The following SLC22A23 variants were observed in gnomAD, a reference collection of about 807,000 sequenced individuals.
The protein encoded by SLC22A23 is ion transporter protein.
In SLC22A23, 26 loss-of-function variants were observed where a neutral mutation model predicts 61.0. That is an observed-to-expected ratio of 0.43 (90% CI 0.31 to 0.59). The LOEUF (loss-of-function observed/expected upper bound fraction) is 0.59. Among genes scored for constraint, SLC22A23 ranks in the 20% least tolerant of loss-of-function variants. The pLI, the probability that SLC22A23 is intolerant of heterozygous loss-of-function variation, is 0.11. For synonymous variants in SLC22A23, 430 were observed against 413.9 expected (o/e 1.04, Z -0.47); for missense variants, 796 against 934.7 (o/e 0.85, Z 1.94).
In SLC22A23 at chr6:3,390,660, A is replaced by G. The variant is rs1381180768; in HGVS notation, c.913+19528T>C. Among the ~76,000 whole-genome samples, 7 of 152,210 alleles carry G rather than the reference A, an allele frequency of 4.6e-5. No individual in the cohort carries two copies. Among genetic ancestry groups the G allele is most frequent in the Non-Finnish European group, 7.3e-5 (5 of 68,050 alleles). On this transcript the variant is annotated intron_variant, in intron 3 of 9. Coordinates refer to ENST00000406686, the MANE Select transcript of SLC22A23 (RefSeq NM_015482.2). This position sits in a 1 kb window ranked among gnomAD's most constrained non-coding sequence, Gnocchi z 4.0. ...CCACTATGGTTCTATTTCACTATGG[A>G]TCAGTTCAATGCACCAAAAGCTGGC... is the stretch of plus-strand genomic sequence containing the variant.
At chr6:3,383,529 G>A (rs952455094) in intron 3 of SLC22A23, among the ~76,000 whole-genome samples, 13 of 152,332 alleles carry the variant, frequency 8.5e-5, no homozygotes, top group East Asian at 1.9e-4. Flanking sequence ...TGTGACGAGC[G>A]CTATGATTCT....
intron 1 of SLC22A23, among the ~76,000 whole-genome samples, chr6:3,430,794 T>G (rs1770808310): frequency 6.6e-6 from 1 of 152,068 alleles, no homozygotes; most frequent in Non-Finnish European, 1.5e-5. Flanking sequence ...TGGCCAGGCA[T>G]AGTGGCTCAC....
At chr6:3,405,392 A>G (rs1768746144) in intron 3 of SLC22A23, among the ~76,000 whole-genome samples, 1 of 152,204 alleles carries the variant, frequency 6.6e-6, no homozygotes. Flanking sequence ...ACTTGCTGCT[A>G]CTGGGAAGGC....
chr6:3,379,888 A>G (rs914506123), intron 3 of SLC22A23, among the ~76,000 whole-genome samples: 5 of 152,210 alleles, frequency 3.3e-5, no homozygotes, highest in Non-Finnish European at 5.9e-5. Flanking sequence ...TATTGTGCAC[A>G]CATTTCCCCA....
intron 1 of SLC22A23, among the ~76,000 whole-genome samples, chr6:3,452,162 A>G (rs947948101): frequency 6.6e-6 from 1 of 152,200 alleles, no homozygotes; most frequent in African/African-American, 2.4e-5. Flanking sequence ...TTCCACTTTC[A>G]ATATTTCCAA....
intron 3 of SLC22A23, among the ~76,000 whole-genome samples, chr6:3,357,494 T>A (rs201067648): frequency 6.6e-6 from 1 of 152,218 alleles, no homozygotes. Flanking sequence ...ATTTCCAAAA[T>A]TGGACTACAT....
At chr6:3,293,360 C>T (rs574376193) in intron 5 of SLC22A23, among the ~76,000 whole-genome samples, 13 of 152,348 alleles carry the variant, frequency 8.5e-5, no homozygotes, top group South Asian at 6.2e-4. Flanking sequence ...GCCCCACACC[C>T]GTGTTGGGAA....
intron 3 of SLC22A23, among the ~76,000 whole-genome samples, chr6:3,335,764 A>G (rs1244508455): frequency 6.6e-6 from 1 of 152,160 alleles, no homozygotes; most frequent in Non-Finnish European, 1.5e-5. Context: ...CCAACCTAAT[A>G]AGATATCTGA....
chr6:3,414,495 C>A lies in SLC22A23; in HGVS notation c.758+1257G>T, dbSNP rs1290565668. Among the ~76,000 whole-genome samples the A allele has an allele frequency of 6.6e-6, 1 of 152,066 alleles. No individual in the cohort carries two copies. The highest frequency in any genetic ancestry group is 1.5e-5 in the Non-Finnish European group (1 of 68,010). ...ATCATGATGAGGCAGATGTCAAGCA[C>A]ACAGGAAATCACATTACATGTCAGC... On this transcript the variant is annotated intron_variant, in intron 2 of 9. Transcript: ENST00000406686. This position sits in a 1 kb window ranked among gnomAD's most constrained non-coding sequence, Gnocchi z 5.1.
intron 1 of SLC22A23, chr6:3,444,918 C>G (rs1266538949): frequency 2.0e-6 from 2 of 985,468 alleles, no homozygotes; most frequent in Non-Finnish European, 2.4e-6. Flanking sequence ...AGCTCCTCCC[C>G]CCTCAAAGTG....
intron 7 of SLC22A23, among the ~76,000 whole-genome samples, chr6:3,285,970 C>G (rs1266527035): frequency 6.6e-6 from 1 of 152,186 alleles, no homozygotes; most frequent in Non-Finnish European, 1.5e-5. Context: ...CCTGCCTGTT[C>G]ACGTCGCGCC....
chr6:3,394,453 T>C (rs1002078168), intron 3 of SLC22A23, among the ~76,000 whole-genome samples: 1 of 152,166 alleles, frequency 6.6e-6, no homozygotes, highest in Non-Finnish European at 1.5e-5. Context: ...ACAGGAATGA[T>C]TGTGGTAAAT....
In SLC22A23 at chr6:3,360,389, A is replaced by T. The variant is rs1380448463; in HGVS notation, c.914-36387T>A. ...CTGTGCCCCGCCCACCCATCCACCC[A>T]AGGATCCTTAAACTCAGGAGGATCA... On this transcript the variant is annotated intron_variant, in intron 3 of 9. Coordinates refer to ENST00000406686, the MANE Select transcript of SLC22A23 (RefSeq NM_015482.2). This position sits in a 1 kb window ranked among gnomAD's most constrained non-coding sequence, Gnocchi z 4.6. 1.3e-5 allele frequency among the ~76,000 whole-genome samples: 2 copies of T among 151,952 alleles called. No individual in the cohort carries two copies. Among genetic ancestry groups the T allele is most frequent in the Non-Finnish European group, 2.9e-5 (2 of 67,988 alleles).
At chr6:3,416,222 CTCTGAGTGCCCAGGGGCTGGGAGACCCTG>C in intron 1 of SLC22A23, among the ~76,000 whole-genome samples, 1 of 152,248 alleles carries the variant, frequency 6.6e-6, no homozygotes, top group Non-Finnish European at 1.5e-5. Context: ...TGAAGAGCTG[CTCTGAGTGCCCAGGGGCTGGGAGACCCTG>C]TCAACTTTCT....
chr6:3,279,847 C>T (rs1223444268), intron 9 of SLC22A23, among the ~76,000 whole-genome samples: 1 of 152,080 alleles, frequency 6.6e-6, no homozygotes, highest in African/African-American at 2.4e-5. Context: ...GTAATACCCA[C>T]GGGATATCTT....
chr6:3,298,048 C>A, intron 5 of SLC22A23, 43 bp downstream of exon 5: 1 of 1,460,218 alleles, frequency 6.8e-7, no homozygotes, highest in Admixed American at 2.8e-5. Context: ...GGGACCTGCC[C>A]CGTGGAGCCT....
chr6:3,363,330 A>G (rs538247128), intron 3 of SLC22A23, among the ~76,000 whole-genome samples: 19 of 152,280 alleles, frequency 1.2e-4, no homozygotes, highest in African/African-American at 1.9e-4. Context: ...ATGGTCAGCA[A>G]TTGTCTGTAG....
At chr6:3,356,110 T>G (rs1354220589) in intron 3 of SLC22A23, among the ~76,000 whole-genome samples, 5 of 1,890 alleles carry the variant, frequency 2.6e-3, no homozygotes, top group Non-Finnish European at 4.0e-3. Context: ...CGGGGGTGGG[T>G]GGAGGCGGGA....
rs1361410972 is a variant in SLC22A23, at chr6:3,386,837, G to C, written c.913+23351C>G. On this transcript the variant is annotated intron_variant, in intron 3 of 9. Coordinates refer to ENST00000406686, the MANE Select transcript of SLC22A23 (RefSeq NM_015482.2). This position sits in a 1 kb window ranked among gnomAD's most constrained non-coding sequence, Gnocchi z 4.4. The stretch of plus-strand genomic sequence containing the variant: ...CACACGGACCTGGCAGCAACATGGG[G>C]AACAAGGACTTGCTTCCACAGGGCC... 6.6e-6 allele frequency among the ~76,000 whole-genome samples: 1 copy of C among 152,236 alleles called. No individual in the cohort carries two copies. Among genetic ancestry groups the C allele is most frequent in the African/African-American group, 2.4e-5 (1 of 41,460 alleles).
Sources: allele counts gnomAD v4.1 joint callset (sites outside exome capture counted in the v4.1 genomes callset), GRCh38; gene constraint gnomAD v4.1.1; non-coding constraint Gnocchi (gnomAD v3.1); transcripts MANE v1.5; gene names NCBI Gene and HGNC (gene_info 2026-07-23, HGNC 2026-07-21).